The following EHBP1 variants were observed in gnomAD, a reference collection of about 807,000 sequenced individuals.
EHBP1 encodes EH domain binding protein 1, also known as EH domain-binding protein 1.
EHBP1 carries 55 observed loss-of-function variants against 144.0 expected under a neutral mutation model. That is an observed-to-expected ratio of 0.38 (90% CI 0.31 to 0.48). The LOEUF (loss-of-function observed/expected upper bound fraction) is 0.48, where lower values mean the gene tolerates loss of function less well. EHBP1 is among the 20% of genes least tolerant of loss of function. The pLI, the probability that EHBP1 is intolerant of heterozygous loss-of-function variation, is 0.98. For missense variants in EHBP1, 1,200 were observed against 1,364.2 expected (o/e 0.88, Z 1.90); for synonymous variants, 469 against 472.7 (o/e 0.99, Z 0.10).
intron 10 of EHBP1, among the ~76,000 whole-genome samples, chr2:62,922,486 G>A (rs950565903): frequency 6.6e-6 from 1 of 152,178 alleles, no homozygotes; most frequent in Non-Finnish European, 1.5e-5. Context: ...TACGTTGAAA[G>A]TGAAAAGACA....
chr2:62,900,703 T>TATATATATA (rs1558881616), intron 10 of EHBP1, among the ~76,000 whole-genome samples: 1 of 150,466 alleles, frequency 6.6e-6, no homozygotes, highest in African/African-American at 2.5e-5. Flanking sequence ...TATATATATA[T>TATATATATA]TTTCTTTCTC....
At chr2:62,901,921 T>C (rs2152949320) in intron 10 of EHBP1, among the ~76,000 whole-genome samples, 1 of 151,184 alleles carries the variant, frequency 6.6e-6, no homozygotes, top group South Asian at 2.1e-4. Context: ...GCCGTGACTG[T>C]GCCACTGCAC....
chr2:62,704,271 C>A (rs1339653554), upstream of EHBP1, among the ~76,000 whole-genome samples: 2 of 152,168 alleles, frequency 1.3e-5, no homozygotes, highest in East Asian at 3.8e-4. Flanking sequence ...ATTATTAGAT[C>A]ATTTTCTTTA....
chr2:62,857,490 A>G (rs2049151406), intron 7 of EHBP1, among the ~76,000 whole-genome samples: 1 of 152,246 alleles, frequency 6.6e-6, no homozygotes, highest in African/African-American at 2.4e-5. Context: ...TTAGGTTTAC[A>G]ATGTTAAAGA....
intron 14 of EHBP1, among the ~76,000 whole-genome samples, chr2:62,961,728 C>T (rs1472874775): frequency 6.6e-6 from 1 of 152,122 alleles, no homozygotes. Context: ...TTTCCCCATA[C>T]ACTTTTCATC....
At chr2:62,684,420 A>G (rs910248123) in intron 1 of EHBP1, among the ~76,000 whole-genome samples, 10 of 152,170 alleles carry the variant, frequency 6.6e-5, no homozygotes, top group African/African-American at 2.4e-4. Context: ...GGCAAAGTAA[A>G]GCTTTTCAGC....
At chr2:62,943,370 C>T (rs887583066) in intron 11 of EHBP1, among the ~76,000 whole-genome samples, 4 of 116,038 alleles carry the variant, frequency 3.4e-5, no homozygotes, top group African/African-American at 1.4e-4. Context: ...GAGCGAAACT[C>T]CGTCTCAAAA....
intron 21 of EHBP1, among the ~76,000 whole-genome samples, chr2:63,040,214 TTTA>T (rs930954617): frequency 7.3e-5 from 11 of 151,080 alleles, no homozygotes; most frequent in Non-Finnish European, 1.0e-4. Flanking sequence ...CATCATACAG[TTTA>T]TTATTTATAG....
At chr2:62,760,366 T>A (rs2040670974) in intron 3 of EHBP1, among the ~76,000 whole-genome samples, 1 of 152,164 alleles carries the variant, frequency 6.6e-6, no homozygotes, top group South Asian at 2.1e-4. Flanking sequence ...CGGTTAGACC[T>A]TTTTGTTGGG....
At chr2:63,024,060 G>C (rs1348260461) in intron 19 of EHBP1, among the ~76,000 whole-genome samples, 1 of 151,976 alleles carries the variant, frequency 6.6e-6, no homozygotes, top group East Asian at 1.9e-4. Flanking sequence ...AAAGTGGGAG[G>C]ATCAGCCAGG....
chr2:62,942,539 A>G (rs2056820628), intron 10 of EHBP1, among the ~76,000 whole-genome samples, 179 bp from the exon 11 acceptor site: 1 of 152,244 alleles, frequency 6.6e-6, no homozygotes, highest in East Asian at 1.9e-4. Context: ...AAGGGCTAAA[A>G]CTGAAGATAA....
intron 14 of EHBP1, among the ~76,000 whole-genome samples, chr2:62,957,774 T>C (rs899563624): frequency 6.7e-6 from 1 of 149,658 alleles, no homozygotes; most frequent in African/African-American, 2.5e-5. Context: ...GCTTCCCAAG[T>C]AGCTGGGATT....
chr2:62,993,280 TA>T (rs1209725978), intron 16 of EHBP1, among the ~76,000 whole-genome samples: 1 of 152,282 alleles, frequency 6.6e-6, no homozygotes, highest in East Asian at 1.9e-4. Context: ...ACATGGCTTT[TA>T]AATGATATGT....
intron 5 of EHBP1, among the ~76,000 whole-genome samples, chr2:62,786,660 A>G (rs986854203): frequency 6.6e-6 from 1 of 152,246 alleles, no homozygotes; most frequent in African/African-American, 2.4e-5. Context: ...AGATTAAGTT[A>G]GCTTTTATGA....
chr2:62,734,667 T>C (rs2037939900), intron 2 of EHBP1, among the ~76,000 whole-genome samples: 1 of 152,208 alleles, frequency 6.6e-6, no homozygotes, highest in Non-Finnish European at 1.5e-5. Context: ...GTGTAGTTAA[T>C]GTCTACCTTA....
rs1414058832 is a variant in EHBP1 at position 62,747,411 on chromosome 2, G to C, written c.121G>C (p.Val41Leu). ...CTKKWQPDKL[V>L]VVWTRRSRRK... ...GTTTGGCAGGCAACCAGATAAACTG[G>C]TGGTAGTTTGGACCAGAAGAAGCCG... Residue 41 changes from valine to leucine, a missense_variant, in exon 3 of 23, where the codon GTG (valine) becomes CTG (leucine). By Grantham distance (32) the Val-to-Leu change is conservative (BLOSUM62 1). This residue lies in a region of EHBP1 where 137 missense variants were observed against 190.1 expected (regional missense o/e 0.72). Coordinates refer to ENST00000431489, the MANE Select transcript of EHBP1 (RefSeq NM_001142616.3). The C allele has an allele frequency of 6.2e-7, 1 of 1,609,716 alleles. No homozygotes were observed. The highest frequency in any genetic ancestry group is 8.5e-7 in the Non-Finnish European group (1 of 1,177,882).
chr2:63,020,348 A>G (rs1422631796), intron 19 of EHBP1, among the ~76,000 whole-genome samples: 1 of 148,392 alleles, frequency 6.7e-6, no homozygotes, highest in African/African-American at 2.5e-5. Context: ...AAAAAAAAAG[A>G]AAACATTAGC....
At chr2:62,686,104 C>T (rs115820778) in intron 1 of EHBP1, among the ~76,000 whole-genome samples, 344 of 152,254 alleles carry the variant, frequency 2.3e-3, no homozygotes, top group African/African-American at 7.7e-3. Context: ...TTGAGAGCAA[C>T]TTCTCCTGTT....
At chr2:62,896,688 A>C (rs1369217711) in intron 10 of EHBP1, among the ~76,000 whole-genome samples, 1 of 151,682 alleles carries the variant, frequency 6.6e-6, no homozygotes, top group Non-Finnish European at 1.5e-5. Context: ...CTTTAAAAAA[A>C]AAAAAAACAA....
Sources: allele counts gnomAD v4.1 joint callset (sites outside exome capture counted in the v4.1 genomes callset), GRCh38; gene constraint gnomAD v4.1.1; regional missense constraint gnomAD v4.1.1; transcripts MANE v1.5; gene names NCBI Gene and HGNC (gene_info 2026-07-23, HGNC 2026-07-21).